Variants in EEA1 observed in about 807,000 individuals in gnomAD.
EEA1 encodes the protein early endosome antigen 1, also known as early endosome antigen 1, 162kD.
A neutral mutation model predicts 209.2 loss-of-function variants in EEA1; 111 were observed. The ratio of observed to expected loss-of-function variants is 0.53; its 90% CI spans 0.45 to 0.62. The LOEUF (loss-of-function observed/expected upper bound fraction) is 0.62. EEA1 is among the 20% of genes least tolerant of loss of function. The pLI is 0.00. For missense variants in EEA1, 1,343 were observed against 1,530.8 expected, an observed-to-expected ratio of 0.88 and a Z score of 2.05; for synonymous variants, 536 against 540.6, an observed-to-expected ratio of 0.99 and a Z score of 0.12.
chr12:92,923,191 C>CA (rs1288884575), intron 1 of EEA1, among the ~76,000 whole-genome samples: 4 of 150,922 alleles, frequency 2.7e-5, no homozygotes, highest in African/African-American at 4.9e-5. Context: ...ACTAAAAATA[C>CA]AAAAAAATTA....
chr12:92,859,556 G>C (rs1878038986), intron 3 of EEA1, among the ~76,000 whole-genome samples: 1 of 152,156 alleles, frequency 6.6e-6, no homozygotes, highest in African/African-American at 2.4e-5. Flanking sequence ...TCGGTGTTTT[G>C]TTGGGCTTGC....
intron 11 of EEA1, 58 bp downstream of exon 11, chr12:92,832,454 A>G: frequency 6.8e-7 from 1 of 1,465,648 alleles, no homozygotes; most frequent in Non-Finnish European, 9.2e-7. Context: ...ATAACCATCA[A>G]GTACACGAAG....
intron 10 of EEA1, chr12:92,835,351 A>G (rs1037143031): frequency 1.6e-5 from 5 of 305,854 alleles, no homozygotes; most frequent in Non-Finnish European, 6.5e-6. Flanking sequence ...CTTAGAAAGT[A>G]ACCAACTAAT....
At chr12:92,884,525 G>A (rs1879298530) in intron 2 of EEA1, 4 of 1,487,184 alleles carry the variant, frequency 2.7e-6, no homozygotes, top group Non-Finnish European at 3.7e-6. Context: ...AAGCTACAAT[G>A]ATTTTGGCAA....
Position 92,772,040 on chromosome 12 carries a change from G to A in EEA1, c.*3971C>T, listed in dbSNP as rs1463838012. The A allele has an allele frequency of 6.6e-6, 1 of 151,816 alleles. No individual in the cohort carries two copies. Among genetic ancestry groups the A allele is most frequent in the Non-Finnish European group, 1.5e-5 (1 of 67,862 alleles). The allele number at this position is 151,816 out of a possible 1,614,324, so 9.4% of individuals were successfully genotyped here. On this transcript the variant is annotated 3_prime_UTR_variant, in exon 29 of 29. Transcript: ENST00000322349. ...TTAGAATGAAGCACATTCGAATGAA[G>A]GGATCACGGGGGTCAGAACAAAAAC...
chr12:92,781,636 TA>T (rs1315881978), intron 23 of EEA1, among the ~76,000 whole-genome samples: 7 of 152,202 alleles, frequency 4.6e-5, no homozygotes, highest in African/African-American at 1.7e-4. Context: ...TAAAGGATAA[TA>T]CGTTATATGA....
chr12:92,924,865 A>C (rs1184218341), intron 1 of EEA1, among the ~76,000 whole-genome samples: 2 of 137,956 alleles, frequency 1.4e-5, no homozygotes, highest in African/African-American at 2.7e-5. Flanking sequence ...AAAAAAAAAA[A>C]ACTACTCAAA....
At chr12:92,838,126 A>G (rs1168054372) in intron 10 of EEA1, among the ~76,000 whole-genome samples, 1 of 152,232 alleles carries the variant, frequency 6.6e-6, no homozygotes, top group African/African-American at 2.4e-5. Flanking sequence ...ATTATTCCCT[A>G]ATAAGAAATG....
At chr12:92,913,711 A>T (rs1880664028) in intron 1 of EEA1, among the ~76,000 whole-genome samples, 1 of 152,134 alleles carries the variant, frequency 6.6e-6, no homozygotes, top group South Asian at 2.1e-4. Flanking sequence ...CCCGGGCTGG[A>T]GTGCAGTGGC....
intron 2 of EEA1, among the ~76,000 whole-genome samples, chr12:92,869,591 A>AG (rs1397317612): frequency 6.6e-6 from 1 of 150,694 alleles, no homozygotes; most frequent in East Asian, 1.9e-4. Flanking sequence ...TTAAAAAAAA[A>AG]AAAAAATACA....
intron 13 of EEA1, among the ~76,000 whole-genome samples, chr12:92,821,630 A>G (rs1443104008): frequency 6.6e-6 from 1 of 152,046 alleles, no homozygotes. Flanking sequence ...CAATCTTTTT[A>G]TTTGAATGAG....
chr12:92,801,553 A>C (rs1874910133), intron 20 of EEA1, 47 bp downstream of exon 20: 1 of 1,196,234 alleles, frequency 8.4e-7, no homozygotes, highest in African/African-American at 1.6e-5. Flanking sequence ...AAATATAAAG[A>C]CCTTACTATA....
intron 21 of EEA1, among the ~76,000 whole-genome samples, chr12:92,789,845 C>G (rs1214242739): frequency 6.6e-6 from 1 of 152,232 alleles, no homozygotes; most frequent in Non-Finnish European, 1.5e-5. Context: ...CCTGAGTAGC[C>G]TAACTGGGAG....
At chr12:92,876,300 C>T (rs541387450) in intron 2 of EEA1, among the ~76,000 whole-genome samples, 1 of 152,134 alleles carries the variant, frequency 6.6e-6, no homozygotes, top group Non-Finnish European at 1.5e-5. Flanking sequence ...TGGTCTTAGG[C>T]GATCCTCCCA....
At chr12:92,883,829 G>A (rs1879268680) in intron 2 of EEA1, 57 of 1,598,794 alleles carry the variant, frequency 3.6e-5, no homozygotes, top group Non-Finnish European at 4.6e-5. Context: ...CTCTTCATTG[G>A]AGGGTTGAGC....
intron 23 of EEA1, 89 bp downstream of exon 23, chr12:92,781,861 T>C: frequency 1.7e-6 from 2 of 1,206,168 alleles, no homozygotes; most frequent in Non-Finnish European, 1.1e-6. Context: ...ATAAGGATGA[T>C]GCCTGTACTA....
In EEA1 at chr12:92,852,359, T is replaced by C. The variant is rs144973753; in HGVS notation, c.521-63A>G. The C allele has an allele frequency of 5.1e-4, 614 of 1,193,846 alleles. 4 individuals carry two copies. The African/African-American group carries it at 8.1e-3, about 16-fold the overall frequency. 74.0% of individuals were successfully genotyped at this position (1,193,846 alleles called of 1,614,324 possible). ...GAGGACAGTTTTATAAGTTTCCATA[T>C]ATTACTCTGCATATCTGTATATCAC... is the stretch of plus-strand genomic sequence containing the variant. On this transcript the variant is annotated intron_variant, in intron 7 of 28. Transcript: ENST00000322349.
chr12:92,858,899 T>TA (rs1310307415), intron 3 of EEA1: 6 of 712,710 alleles, frequency 8.4e-6, no homozygotes, highest in Non-Finnish European at 1.0e-5. Context: ...TATGGACACT[T>TA]ACAGAGGTTG....
chr12:92,787,360 T>C (rs1874179182), intron 22 of EEA1, among the ~76,000 whole-genome samples: 1 of 152,138 alleles, frequency 6.6e-6, no homozygotes, highest in South Asian at 2.1e-4. Context: ...CTTTATCTAA[T>C]CAAATAACAT....
Sources: gnomAD v4.1 joint callset for allele counts (sites outside exome capture counted in the v4.1 genomes callset) on GRCh38, gnomAD v4.1.1 for gene constraint, MANE v1.5 for transcripts, NCBI Gene and HGNC (gene_info 2026-07-23, HGNC 2026-07-21) for gene names.